MRC1: variants seen among roughly 807,000 people sequenced by gnomAD.
MRC1 encodes the protein macrophage mannose receptor 1.
In MRC1, 62 loss-of-function variants were observed where a neutral mutation model predicts 102.9. The observed-to-expected ratio is 0.60, with a 90% confidence interval of 0.49 to 0.74. The LOEUF is 0.74. MRC1 is among the 30% of genes least tolerant of loss of function. The probability of loss-of-function intolerance (pLI) is 0.00; values close to 1 mark genes in which losing one functional copy is unlikely to be tolerated. For missense variants in MRC1, 1,237 were observed against 862.8 expected (o/e 1.43, Z -5.43); for synonymous variants, 457 against 298.4 (o/e 1.53, Z -5.48).
Position 17,837,437 on chromosome 10 carries a change from T to G in MRC1, c.803-3256T>G, listed in dbSNP as rs959175587. On this transcript the variant is annotated intron_variant, in intron 4 of 29. Transcript: ENST00000569591. Reference sequence around the variant, plus strand: ...GAAAGGGATGATACTCAGTGTTGATTGAGATATATTGGGGAATAATCCAGA... The same window carrying G: ...GAAAGGGATGATACTCAGTGTTGATGGAGATATATTGGGGAATAATCCAGA... Among the ~76,000 whole-genome samples, 8 of 152,314 alleles carry G rather than the reference T, an allele frequency of 5.3e-5. No individual in the cohort carries two copies. The East Asian group carries it at 9.6e-4, about 18-fold the overall frequency.
At chr10:17,897,124 C>A (rs1448504415) in intron 23 of MRC1, among the ~76,000 whole-genome samples, 8 of 152,104 alleles carry the variant, frequency 5.3e-5, no homozygotes, top group Non-Finnish European at 1.0e-4. Flanking sequence ...AAATATTATT[C>A]TTCTTTGATT....
intron 22 of MRC1, among the ~76,000 whole-genome samples, chr10:17,886,466 G>T (rs1339763173): frequency 6.6e-6 from 1 of 151,914 alleles, no homozygotes; most frequent in African/African-American, 2.4e-5. Flanking sequence ...GCAGTGGCAT[G>T]ATCTCGGCTC....
At chr10:17,909,648 T>G (rs1258405603) in intron 29 of MRC1, among the ~76,000 whole-genome samples, 1 of 151,420 alleles carries the variant, frequency 6.6e-6, no homozygotes, top group African/African-American at 2.4e-5. Flanking sequence ...GGTTTTTTTC[T>G]TTTCTTAGAA....
At chr10:17,879,276 C>T (rs1336137745) in intron 18 of MRC1, among the ~76,000 whole-genome samples, 2 of 152,130 alleles carry the variant, frequency 1.3e-5, no homozygotes, top group East Asian at 1.9e-4. Flanking sequence ...CATACTCAGG[C>T]ATTGGGGGTT....
At chr10:17,866,357 T>C (rs1463687962) in intron 11 of MRC1, among the ~76,000 whole-genome samples, 2 of 149,416 alleles carry the variant, frequency 1.3e-5, no homozygotes, top group Admixed American at 6.7e-5. Flanking sequence ...GTGAATTTGA[T>C]AATATAAAAT....
At chr10:17,816,014 C>T (rs1020023045) in intron 1 of MRC1, among the ~76,000 whole-genome samples, 1 of 151,860 alleles carries the variant, frequency 6.6e-6, no homozygotes, top group Admixed American at 6.6e-5. Flanking sequence ...AGTAGAGACG[C>T]GGTTCCACCA....
intron 22 of MRC1, among the ~76,000 whole-genome samples, chr10:17,888,998 C>T (rs1441051869): frequency 1.3e-5 from 2 of 151,982 alleles, no homozygotes; most frequent in Admixed American, 6.6e-5. Context: ...GAGAATTGTC[C>T]GCTAGATCAT....
At chr10:17,810,027 T>G (rs1487772150) in intron 1 of MRC1, among the ~76,000 whole-genome samples, 1 of 150,920 alleles carries the variant, frequency 6.6e-6, no homozygotes, top group African/African-American at 2.4e-5. Flanking sequence ...TCCATACTCA[T>G]TTTTTTTTCT....
At chr10:17,886,426 C>A (rs1833596418) in intron 22 of MRC1, among the ~76,000 whole-genome samples, 2 of 151,434 alleles carry the variant, frequency 1.3e-5, no homozygotes, top group East Asian at 3.9e-4. Flanking sequence ...ATCTCTCAAC[C>A]TATTGCCACC....
chr10:17,892,005 G>A (rs2130706401), intron 22 of MRC1, among the ~76,000 whole-genome samples: 1 of 152,310 alleles, frequency 6.6e-6, no homozygotes, highest in East Asian at 1.9e-4. Flanking sequence ...TTTTGGGTGA[G>A]ACAGGAAAGC....
chr10:17,845,729 T>G (rs1473524836), intron 6 of MRC1, among the ~76,000 whole-genome samples: 1 of 152,096 alleles, frequency 6.6e-6, no homozygotes, highest in Non-Finnish European at 1.5e-5. Context: ...AAAAAGATAT[T>G]CAGAGGATAC....
intron 9 of MRC1, among the ~76,000 whole-genome samples, chr10:17,859,354 G>A (rs1444155486): frequency 1.3e-5 from 2 of 152,098 alleles, no homozygotes; most frequent in African/African-American, 4.8e-5. Flanking sequence ...GTCTTGCTAT[G>A]TTGCCCAGGC....
chr10:17,823,385 A>G lies in MRC1; in HGVS notation c.373A>G (p.Lys125Glu). The change falls in exon 2 of 30, where the codon AAG (lysine) becomes GAG (glutamate). Residue 125 changes from lysine to glutamate, a missense_variant. Lys to Glu is a moderately conservative substitution (Grantham distance 56, BLOSUM62 1). Coordinates refer to ENST00000569591, the MANE Select transcript of MRC1 (RefSeq NM_002438.4). ...LFFNYGNRQE[K>E]NIMLYKGSGL... ...TTTTAACTACGGCAACAGACAAGAA[A>G]AGAATATTATGCTCTACAAGGGATC... is the stretch of plus-strand genomic sequence containing the variant. The G allele has an allele frequency of 1.3e-6, 1 of 780,894 alleles. No homozygotes were observed. The highest frequency in any genetic ancestry group is 1.3e-5 in the South Asian group (1 of 74,624). 48.4% of individuals were successfully genotyped at this position (780,894 alleles called of 1,614,324 possible). A position where few individuals can be genotyped will look rare whatever the true frequency, so the allele number is the denominator to read the frequency against.
chr10:17,819,602 G>A (rs1838365520), intron 1 of MRC1, among the ~76,000 whole-genome samples: 1 of 152,022 alleles, frequency 6.6e-6, no homozygotes, highest in Non-Finnish European at 1.5e-5. Flanking sequence ...AGGGGTAGAG[G>A]AGTATGCAGG....
chr10:17,876,955 G>T (rs1372409501), intron 17 of MRC1, among the ~76,000 whole-genome samples: 26 of 151,870 alleles, frequency 1.7e-4, no homozygotes, highest in Non-Finnish European at 2.9e-5. Flanking sequence ...AGTACTGAAA[G>T]AATAAAAATT....
intron 22 of MRC1, among the ~76,000 whole-genome samples, chr10:17,891,629 C>A (rs1379289915): frequency 1.3e-5 from 2 of 152,142 alleles, no homozygotes; most frequent in Non-Finnish European, 2.9e-5. Context: ...GAACTGCTGA[C>A]GTAGTGGATA....
At chr10:17,898,754 C>T (rs1833788936) in intron 24 of MRC1, among the ~76,000 whole-genome samples, 1 of 152,216 alleles carries the variant, frequency 6.6e-6, no homozygotes, top group African/African-American at 2.4e-5. Context: ...TCCTTGTATT[C>T]CATAATAGAC....
At chr10:17,809,583 C>T (rs1158812474) in intron 1 of MRC1, 57 bp downstream of exon 1, 1 of 861,870 alleles carries the variant, frequency 1.2e-6, no homozygotes, top group Non-Finnish European at 2.0e-6. Flanking sequence ...CCACACCTTC[C>T]TCTTCTGGGT....
At chr10:17,861,343 G>A in intron 9 of MRC1, 44 bp from the exon 10 acceptor site, 1 of 818,832 alleles carries the variant, frequency 1.2e-6, no homozygotes, top group Non-Finnish European at 2.2e-6. Flanking sequence ...TAATATATAT[G>A]CATGAACTCT....
Sources: allele counts gnomAD v4.1 joint callset (sites outside exome capture counted in the v4.1 genomes callset), GRCh38; gene constraint gnomAD v4.1.1; transcripts MANE v1.5; gene names NCBI Gene and HGNC (gene_info 2026-07-23, HGNC 2026-07-21).